The following SLC17A6 variants were observed in gnomAD, a reference collection of about 807,000 sequenced individuals.
SLC17A6 encodes the protein solute carrier family 17 member 6.
Under a neutral mutation model 67.1 loss-of-function variants are expected in SLC17A6, and 35 were observed. That is an observed-to-expected ratio of 0.52 (90% CI 0.40 to 0.69). The LOEUF (loss-of-function observed/expected upper bound fraction) is 0.69. Among genes scored for constraint, SLC17A6 ranks in the 30% least tolerant of loss-of-function variants. The pLI is 0.00. For synonymous variants in SLC17A6, 285 were observed against 252.3 expected (o/e 1.13, Z -1.23); for missense variants, 588 against 723.9 (o/e 0.81, Z 2.15).
At chr11:22,366,217 G>A (rs1856110511) in intron 7 of SLC17A6, among the ~76,000 whole-genome samples, 1 of 152,026 alleles carries the variant, frequency 6.6e-6, no homozygotes, top group Non-Finnish European at 1.5e-5. Flanking sequence ...AGTGACTAAT[G>A]CTAAAATAGA....
chr11:22,338,637 C>G lies in SLC17A6; in HGVS notation c.86+18C>G. 6.3e-7 allele frequency: 1 copy of G among 1,578,108 alleles called. No individual in the cohort carries two copies. Among genetic ancestry groups the G allele is most frequent in the Middle Eastern group, 1.7e-4 (1 of 5,998 alleles). The stretch of plus-strand genomic sequence containing the variant: ...ATCTACAGGTAAGACAAAGCGAACA[C>G]TTGCTTACCTGGGGCTCAGCATGAA... On this transcript the variant is annotated intron_variant, in intron 1 of 11. Coordinates refer to ENST00000263160, the MANE Select transcript of SLC17A6 (RefSeq NM_020346.3).
Position 22,377,678 on chromosome 11 carries a change from G to A in SLC17A6, c.1687G>A (p.Glu563Lys). The change falls in exon 12 of 12, where the codon GAA (glutamate) becomes AAA (lysine). Residue 563 changes from glutamate to lysine, a missense_variant. Transcript: ENST00000263160. ...GCCTAGTGGTTGGGAAAAGAAAGAG[G>A]AATTTGTACAAGGAGAAGTACAAGA... ...GWPSGWEKKE[E>K]FVQGEVQDSH... 1 of 1,612,756 alleles carries A rather than the reference G, an allele frequency of 6.2e-7. No individual in the cohort carries two copies. The highest frequency in any genetic ancestry group is 8.5e-7 in the Non-Finnish European group (1 of 1,179,664).
intron 7 of SLC17A6, among the ~76,000 whole-genome samples, chr11:22,366,743 G>A (rs913809621): frequency 2.0e-4 from 31 of 151,974 alleles, no homozygotes; most frequent in Non-Finnish European, 3.5e-4. Flanking sequence ...GGTGGCTCAC[G>A]CCTGTAATCC....
intron 1 of SLC17A6, among the ~76,000 whole-genome samples, chr11:22,339,286 G>A (rs1030962221): frequency 4.0e-5 from 6 of 150,282 alleles, no homozygotes; most frequent in African/African-American, 1.5e-4. Flanking sequence ...CTTCTGTATT[G>A]AATGAAGAAG....
chr11:22,347,799 C>G (rs1471495000), intron 3 of SLC17A6, among the ~76,000 whole-genome samples: 1 of 152,168 alleles, frequency 6.6e-6, no homozygotes, highest in Non-Finnish European at 1.5e-5. Flanking sequence ...TCTTTGAATT[C>G]TAGCCAAGCA....
intron 3 of SLC17A6, among the ~76,000 whole-genome samples, chr11:22,358,253 A>C (rs1856012376): frequency 6.6e-6 from 1 of 152,238 alleles, no homozygotes; most frequent in African/African-American, 2.4e-5. Context: ...TTGCAAGGGA[A>C]TAGTTATAAA....
intron 7 of SLC17A6, among the ~76,000 whole-genome samples, chr11:22,367,900 A>G (rs971089962): frequency 3.2e-4 from 49 of 152,262 alleles, no homozygotes; most frequent in African/African-American, 1.2e-3. Context: ...TTAAAATGAG[A>G]TTATGTGGGA....
rs370121292 is a variant in SLC17A6 at position 22,374,706 on chromosome 11, A to T, written c.1042-49A>T. 2.7e-6 allele frequency: 4 copies of T among 1,466,704 alleles called. No homozygotes were observed. In the African/African-American group the frequency reaches 5.7e-5, roughly 21 times the overall value. The allele number at this position is 1,466,704 out of a possible 1,614,324, so 90.9% of individuals were successfully genotyped here. A position where few individuals can be genotyped will look rare whatever the true frequency, so the allele number is the denominator to read the frequency against. On this transcript the variant is annotated intron_variant, in intron 8 of 11. Transcript: ENST00000263160. ...AGAAACAAAGGCCATTAAATTGCCC[A>T]TATTATTTATGGTTATGTCTATTTC...
intron 9 of SLC17A6, among the ~76,000 whole-genome samples, chr11:22,375,584 G>T (rs1856224368): frequency 6.6e-6 from 1 of 151,514 alleles, no homozygotes; most frequent in East Asian, 2.0e-4. Context: ...GGGTTCAAGC[G>T]ATTCTCTTGC....
intron 3 of SLC17A6, among the ~76,000 whole-genome samples, chr11:22,344,833 T>C (rs1855857367): frequency 1.3e-5 from 2 of 152,214 alleles, no homozygotes; most frequent in African/African-American, 4.8e-5. Context: ...TTATTGATTA[T>C]GAGCATGTTA....
At chr11:22,357,674 G>A (rs1343355460) in intron 3 of SLC17A6, among the ~76,000 whole-genome samples, 3 of 152,206 alleles carry the variant, frequency 2.0e-5, no homozygotes, top group African/African-American at 7.2e-5. Context: ...CAAAAAGGGA[G>A]AGACAGTGAT....
intron 5 of SLC17A6, 90 bp from the exon 6 acceptor site, chr11:22,362,649 G>A (rs369961445): frequency 8.0e-5 from 85 of 1,058,956 alleles, no homozygotes; most frequent in East Asian, 3.6e-4. Context: ...GTGTTCCAGC[G>A]TCTGTGTGAA....
At chr11:22,377,337 C>A in intron 11 of SLC17A6, 68 bp from the exon 12 acceptor site, 2 of 1,392,018 alleles carry the variant, frequency 1.4e-6, no homozygotes, top group South Asian at 1.4e-5. Context: ...GTGGTGCATT[C>A]AGAGAAGATG....
intron 7 of SLC17A6, among the ~76,000 whole-genome samples, chr11:22,367,125 A>C (rs1266916633): frequency 6.6e-6 from 1 of 152,030 alleles, no homozygotes; most frequent in Non-Finnish European, 1.5e-5. Context: ...GAAAGGTGTC[A>C]TACACTAGTT....
At chr11:22,372,007 C>G (rs1458111896) in intron 8 of SLC17A6, among the ~76,000 whole-genome samples, 1 of 151,824 alleles carries the variant, frequency 6.6e-6, no homozygotes, top group Non-Finnish European at 1.5e-5. Context: ...TTTCTTATCT[C>G]TAAATAATGG....
At chr11:22,355,832 T>C (rs1405484727) in intron 3 of SLC17A6, among the ~76,000 whole-genome samples, 1 of 152,210 alleles carries the variant, frequency 6.6e-6, no homozygotes, top group Non-Finnish European at 1.5e-5. Context: ...ATATTAATCT[T>C]TGAAAGTTTC....
At chr11:22,347,647 A>G (rs908365383) in intron 3 of SLC17A6, among the ~76,000 whole-genome samples, 5 of 152,276 alleles carry the variant, frequency 3.3e-5, no homozygotes, top group African/African-American at 9.6e-5. Flanking sequence ...CTACCTTTAA[A>G]ATTATTTTCC....
chr11:22,357,530 A>G (rs1019383141), intron 3 of SLC17A6, among the ~76,000 whole-genome samples: 2 of 152,176 alleles, frequency 1.3e-5, no homozygotes, highest in African/African-American at 4.8e-5. Flanking sequence ...TACAGTACAC[A>G]GGACAGCACT....
chr11:22,368,913 C>A (rs1856142781), intron 7 of SLC17A6, among the ~76,000 whole-genome samples: 1 of 151,896 alleles, frequency 6.6e-6, no homozygotes, highest in Non-Finnish European at 1.5e-5. Context: ...TTTTGTCTTG[C>A]ATATATTTAT....
Sources: gnomAD v4.1 joint callset for allele counts (sites outside exome capture counted in the v4.1 genomes callset) on GRCh38, gnomAD v4.1.1 for gene constraint, MANE v1.5 for transcripts, NCBI Gene and HGNC (gene_info 2026-07-23, HGNC 2026-07-21) for gene names.